The following NXPH3 variants were observed in gnomAD, a reference collection of about 807,000 sequenced individuals.
NXPH3 encodes the protein neurexophilin-3.
Under a neutral mutation model 18.8 loss-of-function variants are expected in NXPH3, and 7 were observed. The observed-to-expected ratio is 0.37, with a 90% confidence interval of 0.21 to 0.70. The LOEUF (loss-of-function observed/expected upper bound fraction) is 0.70. NXPH3 is among the 30% of genes least tolerant of loss of function. The probability of loss-of-function intolerance (pLI) is 0.53; values close to 1 mark genes in which losing one functional copy is unlikely to be tolerated. For synonymous variants in NXPH3, 101 were observed against 137.3 expected (o/e 0.74, Z 1.85); for missense variants, 282 against 338.1 (o/e 0.83, Z 1.30).
In NXPH3 at chr17:49,578,518, G is replaced by T. The variant is rs2071582158; in HGVS notation, c.55-78G>T. ...ACCCAGGTCAGAGTGAAGTGGCAGG[G>T]ACAGGGGTACTGCTGGTAGCGGGGG... On this transcript the variant is annotated intron_variant, in intron 1 of 1. Coordinates refer to ENST00000328741, the MANE Select transcript of NXPH3 (RefSeq NM_007225.4). The surrounding 1 kb of genome is among the most constrained non-coding windows in gnomAD (Gnocchi z 4.5). 1 of 1,175,922 alleles carries T rather than the reference G, an allele frequency of 8.5e-7. No homozygotes were observed. The highest frequency in any genetic ancestry group is 1.5e-5 in the African/African-American group (1 of 65,432). The allele number at this position is 1,175,922 out of a possible 1,614,324, so 72.8% of individuals were successfully genotyped here.
chr17:49,582,293 C>A lies in NXPH3; in HGVS notation c.*2993C>A. The A allele has an allele frequency of 1.0e-5, 2 of 192,122 alleles. No homozygotes were observed. Among genetic ancestry groups the A allele is most frequent in the Non-Finnish European group, 2.1e-5 (2 of 93,804 alleles). The allele number at this position is 192,122 out of a possible 1,614,324, so 11.9% of individuals were successfully genotyped here. On this transcript the variant is annotated 3_prime_UTR_variant, in exon 2 of 2. Coordinates refer to ENST00000328741, the MANE Select transcript of NXPH3 (RefSeq NM_007225.4). ...AACCTGTCCCCACTCTGCCCAGACC[C>A]CAAAGGGCCAGGTCCTACTCACACT...
chr17:49,578,495 C>A lies in NXPH3; in HGVS notation c.55-101C>A, dbSNP rs1031246801. The A allele has an allele frequency of 4.2e-5, 39 of 930,456 alleles. No homozygotes were observed. The highest frequency in any genetic ancestry group is 3.5e-4 in the Middle Eastern group (1 of 2,854). The allele number at this position is 930,456 out of a possible 1,614,324, so 57.6% of individuals were successfully genotyped here. ...TGGGCAAGACGCAGGAGCTCCTCAC[C>A]CAGGTCAGAGTGAAGTGGCAGGGAC... On this transcript the variant is annotated intron_variant, in intron 1 of 1. Coordinates refer to ENST00000328741, the MANE Select transcript of NXPH3 (RefSeq NM_007225.4). The surrounding 1 kb of genome is among the most constrained non-coding windows in gnomAD (Gnocchi z 4.5).
Position 49,578,747 on chromosome 17 carries a change from T to G in NXPH3, c.206T>G (p.Leu69Arg). The G allele has an allele frequency of 6.2e-7, 1 of 1,613,600 alleles. No homozygotes were observed. The highest frequency in any genetic ancestry group is 8.5e-7 in the Non-Finnish European group (1 of 1,179,972). The change falls in exon 2 of 2, where the codon CTG becomes CGG. Residue 69 changes from leucine to arginine, a missense_variant. Coordinates refer to ENST00000328741, the MANE Select transcript of NXPH3 (RefSeq NM_007225.4). The surrounding 1 kb of genome is among the most constrained non-coding windows in gnomAD (Gnocchi z 4.5). ...GCCAATTCCACTCTCCTAGGGCTGCTGGCCCCGCCTGGGGAGGCTTGGGGC... is the reference window on the plus strand; with the variant it reads ...GCCAATTCCACTCTCCTAGGGCTGCGGGCCCCGCCTGGGGAGGCTTGGGGC... ...PMANSTLLGL[L>R]APPGEAWGIL...
At position 49,581,303 on chromosome 17, in the gene NXPH3, C is replaced by G. The variant is rs983008976; in HGVS notation, c.*2003C>G. On this transcript the variant is annotated 3_prime_UTR_variant, in exon 2 of 2. Coordinates refer to ENST00000328741, the MANE Select transcript of NXPH3 (RefSeq NM_007225.4). ...GGAAGACACTACCAAGGTCACAGTGCCTTCTGGAGGTCATTCTAAGTCGGC... is the reference window on the plus strand; with the variant it reads ...GGAAGACACTACCAAGGTCACAGTGGCTTCTGGAGGTCATTCTAAGTCGGC... 2.2e-4 allele frequency: 104 copies of G among 465,304 alleles called. No individual in the cohort carries two copies. Among genetic ancestry groups the G allele is most frequent in the African/African-American group, 1.9e-3 (98 of 51,034 alleles). 28.8% of individuals were successfully genotyped at this position (465,304 alleles called of 1,614,324 possible).
chr17:49,577,170 C>A (rs1033456192), intron 1 of NXPH3, among the ~76,000 whole-genome samples: 1 of 152,108 alleles, frequency 6.6e-6, no homozygotes, highest in African/African-American at 2.4e-5. Context: ...GGTCTGCAGC[C>A]CTAGACCCAG....
intron 1 of NXPH3, 29 bp downstream of exon 1, chr17:49,576,302 G>C (rs2071570688): frequency 1.3e-6 from 2 of 1,556,546 alleles, no homozygotes; most frequent in South Asian, 2.4e-5. Flanking sequence ...GCTGCGCAGA[G>C]GGGCGGGGGC....
Position 49,578,518 on chromosome 17 carries a change from G to A in NXPH3, c.55-78G>A. On this transcript the variant is annotated intron_variant, in intron 1 of 1. Coordinates refer to ENST00000328741, the MANE Select transcript of NXPH3 (RefSeq NM_007225.4). This position sits in a 1 kb window ranked among gnomAD's most constrained non-coding sequence, Gnocchi z 4.5. Reference sequence around the variant, plus strand: ...ACCCAGGTCAGAGTGAAGTGGCAGGGACAGGGGTACTGCTGGTAGCGGGGG... The same window carrying A: ...ACCCAGGTCAGAGTGAAGTGGCAGGAACAGGGGTACTGCTGGTAGCGGGGG... 8.5e-7 allele frequency: 1 copy of A among 1,175,924 alleles called. No homozygotes were observed. The highest frequency in any genetic ancestry group is 1.2e-6 in the Non-Finnish European group (1 of 836,734). The allele number at this position is 1,175,924 out of a possible 1,614,324, so 72.8% of individuals were successfully genotyped here. A position where few individuals can be genotyped will look rare whatever the true frequency, so the allele number is the denominator to read the frequency against.
chr17:49,581,389 C>A lies in NXPH3; in HGVS notation c.*2089C>A. The A allele has an allele frequency of 1.7e-6, 1 of 591,464 alleles. No individual in the cohort carries two copies. The highest frequency in any genetic ancestry group is 3.0e-6 in the Non-Finnish European group (1 of 333,098). The allele number at this position is 591,464 out of a possible 1,614,324, so 36.6% of individuals were successfully genotyped here. On this transcript the variant is annotated 3_prime_UTR_variant, in exon 2 of 2. Coordinates refer to ENST00000328741, the MANE Select transcript of NXPH3 (RefSeq NM_007225.4). ...CCTCTTGAGGAGAGGAGAGTCCTGG[C>A]AGTAAGGTAAGATGGGCTTGCCACC... is the stretch of plus-strand genomic sequence containing the variant.
At position 49,583,590 on chromosome 17, in the gene NXPH3, AAGGGAC is replaced by A. The variant is rs2143053251; in HGVS notation, c.*4292_*4297del. On this transcript the variant is annotated 3_prime_UTR_variant, in exon 2 of 2. Coordinates refer to ENST00000328741, the MANE Select transcript of NXPH3 (RefSeq NM_007225.4). ...CCAGGCCACCTGGTCAGGTGGTCCCAAGGGACAAGCTAGGTCCTCCTGAACTGCAGA... is the reference window on the plus strand; with the variant it reads ...CCAGGCCACCTGGTCAGGTGGTCCCAAAGCTAGGTCCTCCTGAACTGCAGA... 6.6e-6 allele frequency: 1 copy of A among 152,326 alleles called. No homozygotes were observed. The highest frequency in any genetic ancestry group is 2.4e-5 in the African/African-American group (1 of 41,568). The allele number at this position is 152,326 out of a possible 1,614,324, so 9.4% of individuals were successfully genotyped here.
intron 1 of NXPH3, among the ~76,000 whole-genome samples, 174 bp downstream of exon 1, chr17:49,576,447 G>C (rs1264823538): frequency 1.3e-5 from 2 of 151,938 alleles, no homozygotes; most frequent in African/African-American, 2.4e-5. Context: ...TGGACAGATA[G>C]GGTTAATAGG....
At position 49,581,413 on chromosome 17, in the gene NXPH3, C is replaced by T. The variant is rs2071599520; in HGVS notation, c.*2113C>T. The T allele has an allele frequency of 5.0e-6, 3 of 594,242 alleles. No homozygotes were observed. The highest frequency in any genetic ancestry group is 2.0e-5 in the South Asian group (1 of 49,508). The allele number at this position is 594,242 out of a possible 1,614,324, so 36.8% of individuals were successfully genotyped here. ...GCAGTAAGGTAAGATGGGCTTGCCA[C>T]CCCCCACCTTTCGCCCCTGCCCACC... On this transcript the variant is annotated 3_prime_UTR_variant, in exon 2 of 2. Transcript: ENST00000328741.
Position 49,580,571 on chromosome 17 carries a change from G to A in NXPH3, c.*1271G>A, listed in dbSNP as rs564037257. 6.6e-6 allele frequency: 1 copy of A among 152,332 alleles called. No individual in the cohort carries two copies. The highest frequency in any genetic ancestry group is 1.5e-5 in the Non-Finnish European group (1 of 68,116). 9.4% of individuals were successfully genotyped at this position (152,332 alleles called of 1,614,324 possible). Reference sequence around the variant, plus strand: ...GAGGAAACTTGAGCAAACACCCTGGGCTCGGTGCTGGAGGAGGGCGTAGCA... The same window carrying A: ...GAGGAAACTTGAGCAAACACCCTGGACTCGGTGCTGGAGGAGGGCGTAGCA... On this transcript the variant is annotated 3_prime_UTR_variant, in exon 2 of 2. Transcript: ENST00000328741.
Position 49,578,537 on chromosome 17 carries a change from G to C in NXPH3, c.55-59G>C. On this transcript the variant is annotated intron_variant, in intron 1 of 1. Transcript: ENST00000328741. The surrounding 1 kb of genome is among the most constrained non-coding windows in gnomAD (Gnocchi z 4.5). ...GGCAGGGACAGGGGTACTGCTGGTA[G>C]CGGGGGTGGTGGACCTCCAGGGACA... 3.7e-6 allele frequency: 5 copies of C among 1,346,638 alleles called. No individual in the cohort carries two copies. Among genetic ancestry groups the C allele is most frequent in the Non-Finnish European group, 5.1e-6 (5 of 988,192 alleles). 83.4% of individuals were successfully genotyped at this position (1,346,638 alleles called of 1,614,324 possible).
At position 49,581,692 on chromosome 17, in the gene NXPH3, T is replaced by C; in HGVS notation, c.*2392T>C. ...ACCAATGGACACCCACCGTGTGCCG[T>C]TCAGCCTCCCACAGTGCTGTGGAGA... On this transcript the variant is annotated 3_prime_UTR_variant, in exon 2 of 2. Coordinates refer to ENST00000328741, the MANE Select transcript of NXPH3 (RefSeq NM_007225.4). 1.4e-6 allele frequency: 1 copy of C among 702,570 alleles called. No homozygotes were observed. The highest frequency in any genetic ancestry group is 1.5e-5 in the South Asian group (1 of 67,604). 43.5% of individuals were successfully genotyped at this position (702,570 alleles called of 1,614,324 possible).
In NXPH3 at chr17:49,580,329, G is replaced by C. The variant is rs1286051136; in HGVS notation, c.*1029G>C. 1 of 152,394 alleles carries C rather than the reference G, an allele frequency of 6.6e-6. No individual in the cohort carries two copies. Among genetic ancestry groups the C allele is most frequent in the Admixed American group, 6.5e-5 (1 of 15,288 alleles). The allele number at this position is 152,394 out of a possible 1,614,324, so 9.4% of individuals were successfully genotyped here. A position where few individuals can be genotyped will look rare whatever the true frequency, so the allele number is the denominator to read the frequency against. ...CTTTTGTGTGAAGAATCGTGTTCTT[G>C]GAGCAGGAAATAAAGCTTGCCCCGG... On this transcript the variant is annotated 3_prime_UTR_variant, in exon 2 of 2. Coordinates refer to ENST00000328741, the MANE Select transcript of NXPH3 (RefSeq NM_007225.4).
rs1199475305 is a variant in NXPH3 at position 49,575,932 on chromosome 17, G to A, written c.-288G>A. The stretch of plus-strand genomic sequence containing the variant: ...GGGGGGCGCCGAGCGCAGATCTGGA[G>A]CAGCAGAGCCACGGCGCAGCTGGGG... On this transcript the variant is annotated 5_prime_UTR_variant, in exon 1 of 2. Coordinates refer to ENST00000328741, the MANE Select transcript of NXPH3 (RefSeq NM_007225.4). This position sits in a 1 kb window ranked among gnomAD's most constrained non-coding sequence, Gnocchi z 4.3. 5.1e-6 allele frequency: 2 copies of A among 389,314 alleles called. No homozygotes were observed. The highest frequency in any genetic ancestry group is 4.6e-5 in the East Asian group (1 of 21,600). The allele number at this position is 389,314 out of a possible 1,614,324, so 24.1% of individuals were successfully genotyped here.
chr17:49,582,279 A>C lies in NXPH3; in HGVS notation c.*2979A>C. The C allele has an allele frequency of 5.0e-6, 1 of 201,412 alleles. No homozygotes were observed. The highest frequency in any genetic ancestry group is 1.3e-4 in the East Asian group (1 of 7,760). The allele number at this position is 201,412 out of a possible 1,614,324, so 12.5% of individuals were successfully genotyped here. A position where few individuals can be genotyped will look rare whatever the true frequency, so the allele number is the denominator to read the frequency against. On this transcript the variant is annotated 3_prime_UTR_variant, in exon 2 of 2. Transcript: ENST00000328741. ...GATTCCTCTGAAGAAACCTGTCCCC[A>C]CTCTGCCCAGACCCCAAAGGGCCAG...
At chr17:49,576,544 G>A (rs537991563) in intron 1 of NXPH3, among the ~76,000 whole-genome samples, 1 of 152,132 alleles carries the variant, frequency 6.6e-6, no homozygotes, top group South Asian at 2.1e-4. Flanking sequence ...GCCTGGAGCC[G>A]GGTCGCCAGG....
In NXPH3 at chr17:49,578,615, A is replaced by G. The variant is rs2071582672; in HGVS notation, c.74A>G (p.Asp25Gly). ...SLYLVICGQD[D>G]GPPGSEDPER... ...CCATAGGTCATCTGTGGCCAGGATG[A>G]TGGTCCTCCCGGCTCAGAGGACCCT... The change falls in exon 2 of 2, where the codon GAT becomes GGT. Residue 25 changes from aspartate to glycine, a missense_variant. Coordinates refer to ENST00000328741, the MANE Select transcript of NXPH3 (RefSeq NM_007225.4). This position sits in a 1 kb window ranked among gnomAD's most constrained non-coding sequence, Gnocchi z 4.5. The G allele has an allele frequency of 6.4e-7, 1 of 1,568,696 alleles. No homozygotes were observed. The highest frequency in any genetic ancestry group is 1.2e-5 in the South Asian group (1 of 82,892).
Sources: gnomAD v4.1 joint callset for allele counts (sites outside exome capture counted in the v4.1 genomes callset) on GRCh38, gnomAD v4.1.1 for gene constraint, Gnocchi (gnomAD v3.1) non-coding constraint, MANE v1.5 for transcripts, NCBI Gene and HGNC (gene_info 2026-07-23, HGNC 2026-07-21) for gene names.